Variants in HS6ST3 observed in about 807,000 individuals in gnomAD.
HS6ST3 encodes heparan sulfate 6-O-sulfotransferase 3.
HS6ST3 carries 12 observed loss-of-function variants against 36.7 expected under a neutral mutation model. That is an observed-to-expected ratio of 0.33 (90% CI 0.21 to 0.53). The LOEUF (loss-of-function observed/expected upper bound fraction) is 0.53, where lower values mean the gene tolerates loss of function less well. Ranked by LOEUF, HS6ST3 falls within the 20% of genes least tolerant of loss-of-function variation. The probability of loss-of-function intolerance (pLI) is 0.95; values close to 1 mark genes in which losing one functional copy is unlikely to be tolerated. For missense variants in HS6ST3, 584 were observed against 640.9 expected, an observed-to-expected ratio of 0.91 and a Z score of 0.96; for synonymous variants, 240 against 257.5, an observed-to-expected ratio of 0.93 and a Z score of 0.65.
intron 1 of HS6ST3, among the ~76,000 whole-genome samples, chr13:96,685,345 A>T (rs1029649503): frequency 1.3e-5 from 2 of 152,064 alleles, no homozygotes; most frequent in African/African-American, 2.4e-5. Context: ...CGACTACTGG[A>T]TGTGGAAGGA....
intron 1 of HS6ST3, among the ~76,000 whole-genome samples, chr13:96,496,412 A>G (rs900135362): frequency 3.3e-5 from 5 of 152,114 alleles, no homozygotes; most frequent in African/African-American, 9.7e-5. Context: ...GTCTTCCTGA[A>G]TGGGCCAGTC....
At chr13:96,304,533 A>G (rs1376273809) in intron 1 of HS6ST3, among the ~76,000 whole-genome samples, 4 of 152,036 alleles carry the variant, frequency 2.6e-5, no homozygotes, top group Non-Finnish European at 4.4e-5. Flanking sequence ...TGATGGTGGG[A>G]GGGTGAAAGG....
At chr13:96,278,855 C>T (rs1325042045) in intron 1 of HS6ST3, among the ~76,000 whole-genome samples, 1 of 152,114 alleles carries the variant, frequency 6.6e-6, no homozygotes, top group Non-Finnish European at 1.5e-5. Flanking sequence ...TTTTGGCAAT[C>T]ACATTTTCAA....
At chr13:96,643,030 T>C (rs1196900514) in intron 1 of HS6ST3, among the ~76,000 whole-genome samples, 3 of 151,978 alleles carry the variant, frequency 2.0e-5, no homozygotes, top group Admixed American at 6.6e-5. Context: ...ACACTGGAAA[T>C]CAGATTCTAC....
intron 1 of HS6ST3, among the ~76,000 whole-genome samples, chr13:96,805,672 T>A (rs1188946619): frequency 6.6e-6 from 1 of 152,142 alleles, no homozygotes; most frequent in Non-Finnish European, 1.5e-5. Context: ...ATCTTTCAAG[T>A]AAAGAAACCA....
intron 1 of HS6ST3, among the ~76,000 whole-genome samples, chr13:96,610,133 A>T (rs1470483174): frequency 6.6e-6 from 1 of 152,162 alleles, no homozygotes; most frequent in Non-Finnish European, 1.5e-5. Context: ...CCCAGCTCTT[A>T]AAGTTAATGG....
intron 1 of HS6ST3, among the ~76,000 whole-genome samples, chr13:96,101,357 G>A (rs2053817418): frequency 6.6e-6 from 1 of 151,998 alleles, no homozygotes; most frequent in Non-Finnish European, 1.5e-5. Flanking sequence ...AATAGGTGAG[G>A]GAAGAAATTC....
chr13:96,214,438 GTCAATTCATC>G (rs1357667052), intron 1 of HS6ST3, among the ~76,000 whole-genome samples: 1 of 152,122 alleles, frequency 6.6e-6, no homozygotes, highest in Non-Finnish European at 1.5e-5. Flanking sequence ...TGGAGTTCTA[GTCAATTCATC>G]TCATTATAAT....
At chr13:96,098,317 G>T (rs1425083201) in intron 1 of HS6ST3, among the ~76,000 whole-genome samples, 1 of 152,178 alleles carries the variant, frequency 6.6e-6, no homozygotes, top group African/African-American at 2.4e-5. Context: ...TATAACCTCT[G>T]GTTTATATAG....
rs201090381 is a variant in HS6ST3 at position 96,425,330 on chromosome 13, C to CT, written c.707+333770dup. The stretch of plus-strand genomic sequence containing the variant: ...GCCTAAAGCCTTGAAGAGCTCTGCT[C>CT]TTTTTTTTTGAATTAAATGTCCTAA... On this transcript the variant is annotated intron_variant, in intron 1 of 1. Transcript: ENST00000376705. 7.2e-3 allele frequency among the ~76,000 whole-genome samples: 1,088 copies of CT among 151,394 alleles called. 7 individuals are homozygous for CT. Among genetic ancestry groups the CT allele is most frequent in the Non-Finnish European group, 0.011 (748 of 67,780 alleles).
intron 1 of HS6ST3, among the ~76,000 whole-genome samples, chr13:96,376,618 A>G (rs888233292): frequency 6.6e-6 from 1 of 152,158 alleles, no homozygotes; most frequent in Non-Finnish European, 1.5e-5. Context: ...TATGGCATCT[A>G]TTGACTATGA....
chr13:96,236,010 G>A (rs1263786904), intron 1 of HS6ST3, among the ~76,000 whole-genome samples: 1 of 152,148 alleles, frequency 6.6e-6, no homozygotes, highest in Non-Finnish European at 1.5e-5. Context: ...TTCAGCCTGT[G>A]GCCAAAGGCC....
rs1555388359 is a variant in HS6ST3, at chr13:96,152,333, T to TGTTGTTG, written c.707+60764_707+60765insGTTGTTG. Among the ~76,000 whole-genome samples, 129 of 78,456 alleles carry TGTTGTTG rather than the reference T, an allele frequency of 1.6e-3. 2 individuals carry two copies. Among genetic ancestry groups the TGTTGTTG allele is most frequent in the Admixed American group, 4.2e-3 (27 of 6,452 alleles). 51.5% of individuals were successfully genotyped at this position (78,456 alleles called of 152,430 possible). ...CCCCTTTCCTTTTTTTTTTTTTTTT[T>TGTTGTTG]TTGTTGTTGTTGTTGTTGTTTTGAG... is the stretch of plus-strand genomic sequence containing the variant. On this transcript the variant is annotated intron_variant, in intron 1 of 1. Coordinates refer to ENST00000376705, the MANE Select transcript of HS6ST3 (RefSeq NM_153456.4).
At chr13:96,772,469 A>T (rs1380259205) in intron 1 of HS6ST3, among the ~76,000 whole-genome samples, 1 of 152,206 alleles carries the variant, frequency 6.6e-6, no homozygotes, top group Admixed American at 6.5e-5. Context: ...TTGATTATCT[A>T]ATACTCAGAA....
intron 1 of HS6ST3, among the ~76,000 whole-genome samples, chr13:96,399,810 T>C (rs910878656): frequency 6.6e-6 from 1 of 152,258 alleles, no homozygotes; most frequent in Non-Finnish European, 1.5e-5. Flanking sequence ...AATAAGTTTA[T>C]TTGTGTATTT....
intron 1 of HS6ST3, among the ~76,000 whole-genome samples, chr13:96,141,406 T>G (rs1466223367): frequency 6.6e-6 from 1 of 151,828 alleles, no homozygotes; most frequent in Non-Finnish European, 1.5e-5. Flanking sequence ...CAGGCTGGAG[T>G]GCAGTGGCAT....
chr13:96,641,465 T>C (rs115849117), intron 1 of HS6ST3, among the ~76,000 whole-genome samples: 2,059 of 151,942 alleles, frequency 0.014, 39 homozygotes, highest in African/African-American at 0.047. Context: ...CATGAAGAAA[T>C]CTCTGCCTCT....
chr13:96,162,907 T>G (rs529816337), intron 1 of HS6ST3, among the ~76,000 whole-genome samples: 37 of 152,308 alleles, frequency 2.4e-4, no homozygotes, highest in South Asian at 8.3e-4. Flanking sequence ...TTAGTTTTTT[T>G]TTGTTGTTGT....
chr13:96,213,718 T>C (rs2054410327), intron 1 of HS6ST3, among the ~76,000 whole-genome samples: 1 of 152,192 alleles, frequency 6.6e-6, no homozygotes, highest in Non-Finnish European at 1.5e-5. Flanking sequence ...GGATGTAGCA[T>C]GTAGGTGTTT....
Sources: gnomAD v4.1 joint callset for allele counts (sites outside exome capture counted in the v4.1 genomes callset) on GRCh38, gnomAD v4.1.1 for gene constraint, MANE v1.5 for transcripts, NCBI Gene and HGNC (gene_info 2026-07-23, HGNC 2026-07-21) for gene names.